The following HFM1 variants were observed in gnomAD, a reference collection of about 807,000 sequenced individuals.
The protein encoded by HFM1 is probable ATP-dependent DNA helicase HFM1.
A neutral mutation model predicts 192.1 loss-of-function variants in HFM1; 169 were observed. The ratio of observed to expected loss-of-function variants is 0.88; its 90% confidence interval spans 0.78 to 1.00. HFM1 has a LOEUF of 1.00. Ranked by LOEUF, HFM1 falls within the 50% of genes least tolerant of loss-of-function variation. The pLI is 0.00. For missense variants in HFM1, 1,661 were observed against 1,668.0 expected, an observed-to-expected ratio of 1.00 and a Z score of 0.07; for synonymous variants, 525 against 537.8, an observed-to-expected ratio of 0.98 and a Z score of 0.33.
chr1:91,382,169 T>C (rs1661627322), intron 6 of HFM1, among the ~76,000 whole-genome samples: 1 of 152,158 alleles, frequency 6.6e-6, no homozygotes, highest in Non-Finnish European at 1.5e-5. Context: ...TCCTTGGCTC[T>C]TTTCCCTCCA....
chr1:91,285,615 A>G (rs1307019201), intron 30 of HFM1, among the ~76,000 whole-genome samples: 1 of 152,186 alleles, frequency 6.6e-6, no homozygotes, highest in Non-Finnish European at 1.5e-5. Context: ...ATAAATTTGC[A>G]TATAAAAATT....
intron 30 of HFM1, among the ~76,000 whole-genome samples, chr1:91,302,691 C>G (rs1269626445): frequency 2.0e-5 from 3 of 149,344 alleles, no homozygotes; most frequent in South Asian, 2.1e-4. Flanking sequence ...GGACAAAAAA[C>G]CAAACACTGC....
At chr1:91,304,571 A>G (rs1649328642) in intron 30 of HFM1, among the ~76,000 whole-genome samples, 1 of 151,502 alleles carries the variant, frequency 6.6e-6, no homozygotes, top group Non-Finnish European at 1.5e-5. Flanking sequence ...GGTTCAAGCG[A>G]TTCTCTTGCC....
rs146498626 is a variant in HFM1 at position 91,345,721 on chromosome 1, T to C, written c.2254+1708A>G. 4.8e-4 allele frequency among the ~76,000 whole-genome samples: 73 copies of C among 152,274 alleles called. 1 individual carries two copies. The highest frequency in any genetic ancestry group is 1.7e-3 in the African/African-American group (72 of 41,554). Reference sequence around the variant, plus strand: ...GAAGCATGGTCATAAAGGAATTCTCTGACCTACCTTGTCTAAAAGTCTAAG... The same window carrying C: ...GAAGCATGGTCATAAAGGAATTCTCCGACCTACCTTGTCTAAAAGTCTAAG... On this transcript the variant is annotated intron_variant, in intron 19 of 38. Transcript: ENST00000370425.
At position 91,262,507 on chromosome 1, in the gene HFM1, G is replaced by A. The variant is rs777271687; in HGVS notation, c.4060C>T (p.Pro1354Ser). ...ATAACTGCATTTCCGGCTTGTTGAG[G>A]TAATTTTGTCATGGAGGATGCACTG... ...KFSASSMTKLPQQAGNAVIVH... is the reference protein window; with the variant it reads ...KFSASSMTKLSQQAGNAVIVH... Residue 1354 changes from proline to serine, a missense_variant, in exon 37 of 39, where the codon CCT becomes TCT. Transcript: ENST00000370425. 20 of 1,603,404 alleles carry A rather than the reference G, an allele frequency of 1.2e-5. No individual in the cohort carries two copies. The highest frequency in any genetic ancestry group is 1.5e-5 in the Non-Finnish European group (18 of 1,172,054).
At chr1:91,293,864 C>A (rs1209060045) in intron 30 of HFM1, among the ~76,000 whole-genome samples, 1 of 150,090 alleles carries the variant, frequency 6.7e-6, no homozygotes, top group East Asian at 2.0e-4. Flanking sequence ...GAATACTATG[C>A]AGCCATAAAA....
chr1:91,313,761 T>C (rs980025283), intron 29 of HFM1, among the ~76,000 whole-genome samples, 196 bp downstream of exon 29: 1 of 152,046 alleles, frequency 6.6e-6, no homozygotes, highest in African/African-American at 2.4e-5. Context: ...AAACTTTTAA[T>C]TATGTCATCT....
At chr1:91,378,590 T>C (rs1470748702) in intron 9 of HFM1, 110 bp from the exon 10 acceptor site, 3 of 622,214 alleles carry the variant, frequency 4.8e-6, no homozygotes, top group Non-Finnish European at 8.4e-6. Flanking sequence ...ATAGGCAATT[T>C]TGGTTGATCC....
Position 91,266,087 on chromosome 1 carries a change from A to C in HFM1, c.3904T>G (p.Ser1302Ala). 6.3e-7 allele frequency: 1 copy of C among 1,589,624 alleles called. No homozygotes were observed. The highest frequency in any genetic ancestry group is 8.5e-7 in the Non-Finnish European group (1 of 1,173,288). ...GGTAGCTTACTTCCCCTGGTACTTG[A>C]ACTCAAAGTGTTTCCAAATCCTATG... ...KISGFGNTLSSSTRGSKLPLQ... is the reference protein window; with the variant it reads ...KISGFGNTLSASTRGSKLPLQ... Residue 1302 changes from serine (S) to alanine (A), a missense_variant, in exon 36 of 39, where the codon TCA becomes GCA. Physicochemically the swap from Ser to Ala is moderately conservative, Grantham distance 99. Coordinates refer to ENST00000370425, the MANE Select transcript of HFM1 (RefSeq NM_001017975.6).
At chr1:91,348,141 CAT>C (rs1461770574) in intron 18 of HFM1, among the ~76,000 whole-genome samples, 2 of 151,924 alleles carry the variant, frequency 1.3e-5, no homozygotes, top group East Asian at 3.9e-4. Context: ...TGTATAAACA[CAT>C]ATATAAAACT....
At chr1:91,332,441 A>G (rs1570982684) in intron 20 of HFM1, among the ~76,000 whole-genome samples, 1 of 152,202 alleles carries the variant, frequency 6.6e-6, no homozygotes, top group South Asian at 2.1e-4. Flanking sequence ...CTTGATATAT[A>G]TAAAAATCAA....
At chr1:91,374,244 A>C (rs778718934) in intron 13 of HFM1, among the ~76,000 whole-genome samples, 1 of 151,806 alleles carries the variant, frequency 6.6e-6, no homozygotes, top group Non-Finnish European at 1.5e-5. Flanking sequence ...AGTCTGGAGA[A>C]TTGGCTAGGC....
chr1:91,319,220 A>G lies in HFM1; in HGVS notation c.2681-11T>C. On this transcript the variant is annotated splice_polypyrimidine_tract_variant and intron_variant, in intron 24 of 38. Coordinates refer to ENST00000370425, the MANE Select transcript of HFM1 (RefSeq NM_001017975.6). ...CAAAATCTGACAACCCTAAAAAAAAAGTTTCCAGTATTAAATCTAATATAC... is the reference window on the plus strand; with the variant it reads ...CAAAATCTGACAACCCTAAAAAAAAGGTTTCCAGTATTAAATCTAATATAC... 4 of 1,602,942 alleles carry G rather than the reference A, an allele frequency of 2.5e-6. No homozygotes were observed. Among genetic ancestry groups the G allele is most frequent in the Middle Eastern group, 1.7e-4 (1 of 5,982 alleles).
chr1:91,276,593 T>G (rs1666840664), intron 32 of HFM1, 35 bp downstream of exon 32: 1 of 1,030,498 alleles, frequency 9.7e-7, no homozygotes, highest in Non-Finnish European at 1.5e-6. Context: ...TACGTTTAAC[T>G]ACAGAACAAT....
chr1:91,287,416 G>A (rs78671875), intron 30 of HFM1, among the ~76,000 whole-genome samples: 34,991 of 151,424 alleles, frequency 0.23, 4,412 homozygotes, highest in East Asian at 0.52. Flanking sequence ...CACCTCACAC[G>A]TCCGGGTACT....
chr1:91,329,860 C>T, intron 20 of HFM1, among the ~76,000 whole-genome samples: 1 of 152,130 alleles, frequency 6.6e-6, no homozygotes. Flanking sequence ...AAAAGATGTA[C>T]AAAAATGATT....
chr1:91,309,637 GTTTA>G (rs1650147041), intron 30 of HFM1, among the ~76,000 whole-genome samples: 1 of 152,098 alleles, frequency 6.6e-6, no homozygotes, highest in African/African-American at 2.4e-5. Flanking sequence ...TTCTCAGACT[GTTTA>G]TTGTGTGTGT....
chr1:91,320,339 T>G (rs1303136960), intron 23 of HFM1, among the ~76,000 whole-genome samples: 1 of 152,218 alleles, frequency 6.6e-6, no homozygotes, highest in Non-Finnish European at 1.5e-5. Flanking sequence ...TTTAAACTAT[T>G]CACTTTTTTT....
rs773146046 is a variant in HFM1 at position 91,316,202 on chromosome 1, A to C, written c.2899-18T>G. 7.2e-7 allele frequency: 1 copy of C among 1,398,102 alleles called. No homozygotes were observed. Among genetic ancestry groups the C allele is most frequent in the Admixed American group, 2.0e-5 (1 of 49,414 alleles). The allele number at this position is 1,398,102 out of a possible 1,614,324, so 86.6% of individuals were successfully genotyped here. A position where few individuals can be genotyped will look rare whatever the true frequency, so the allele number is the denominator to read the frequency against. On this transcript the variant is annotated intron_variant, in intron 26 of 38. Coordinates refer to ENST00000370425, the MANE Select transcript of HFM1 (RefSeq NM_001017975.6). Reference sequence around the variant, plus strand: ...TTTAAAATCTAAAAATATTTACATCATTATATTCTTACCACAACACTTGAA... The same window carrying C: ...TTTAAAATCTAAAAATATTTACATCCTTATATTCTTACCACAACACTTGAA...
Sources: allele counts gnomAD v4.1 joint callset (sites outside exome capture counted in the v4.1 genomes callset), GRCh38; gene constraint gnomAD v4.1.1; transcripts MANE v1.5; gene names NCBI Gene and HGNC (gene_info 2026-07-23, HGNC 2026-07-21).